Variants in FAAH2 observed in about 807,000 individuals in gnomAD.
FAAH2 encodes the protein fatty acid amide hydrolase 2, also known as fatty-acid amide hydrolase 2.
Under a neutral mutation model 36.9 loss-of-function variants are expected in FAAH2, and 60 were observed. That is an observed-to-expected ratio of 1.63 (90% CI 1.32 to 2.02). FAAH2 has a LOEUF of 2.02. Ranked by LOEUF, FAAH2 falls within the 30% of genes most tolerant of loss-of-function variation. The pLI is 0.00. For synonymous variants in FAAH2, 214 were observed against 143.8 expected (o/e 1.49, Z -3.49); for missense variants, 689 against 397.5 (o/e 1.73, Z -6.23).
At chrX:57,211,697 T>C in the FAAH2 span, among the ~76,000 whole-genome samples, 1 of 111,936 alleles carries the variant, frequency 8.9e-6, no homozygotes, top group Non-Finnish European at 1.9e-5. Flanking sequence ...GCATGACCAC[T>C]ACAGCCACCA....
In FAAH2 at chrX:57,314,522, G is replaced by T. The variant is rs371618706; in HGVS notation, c.412+3793G>T. Among the ~76,000 whole-genome samples the T allele has an allele frequency of 1.3e-4, 14 of 111,182 alleles. No individual in the cohort carries two copies. In the South Asian group the frequency reaches 5.3e-3, roughly 42 times the overall value. On this transcript the variant is annotated intron_variant, in intron 3 of 10. Transcript: ENST00000374900. ...AAATTAAAATATTGAATCTTACCAT[G>T]CACACTCTTGGACCAGAGTGAAATA...
chrX:57,436,419 A>T (rs1040683346), intron 8 of FAAH2, among the ~76,000 whole-genome samples: 1 of 110,468 alleles, frequency 9.1e-6, no homozygotes. Context: ...GTAGAAGTAC[A>T]AAGGGTCACT....
At chrX:57,249,200 C>G in the FAAH2 span, among the ~76,000 whole-genome samples, 11 of 111,498 alleles carry the variant, frequency 9.9e-5, no homozygotes, top group Non-Finnish European at 1.9e-4. Flanking sequence ...TGTGGCAGGC[C>G]AGGTCTCCAT....
chrX:57,489,150 A>G lies in FAAH2; in HGVS notation c.*218A>G, dbSNP rs1159528026. On this transcript the variant is annotated 3_prime_UTR_variant, in exon 11 of 11. Coordinates refer to ENST00000374900, the MANE Select transcript of FAAH2 (RefSeq NM_174912.4). ...CTTGCTTTTATGTTACTGGAAAATT[A>G]GGACATGTAAATGGATAAGTGCAAT... 44 of 384,861 alleles carry G rather than the reference A, an allele frequency of 1.1e-4. No homozygotes were observed. The highest frequency in any genetic ancestry group is 2.2e-5 in the Non-Finnish European group (5 of 232,352). 31.7% of individuals were successfully genotyped at this position (384,861 alleles called of 1,213,427 possible). A position where few individuals can be genotyped will look rare whatever the true frequency, so the allele number is the denominator to read the frequency against.
At chrX:57,224,553 G>T in the FAAH2 span, among the ~76,000 whole-genome samples, 4 of 111,379 alleles carry the variant, frequency 3.6e-5, no homozygotes, top group Admixed American at 9.5e-5. Context: ...TGCACCAGCA[G>T]CGTGCGCCGG....
At chrX:57,241,311 C>A in the FAAH2 span, among the ~76,000 whole-genome samples, 1 of 111,959 alleles carries the variant, frequency 8.9e-6, no homozygotes. Context: ...TATGATGATG[C>A]CAAAAGCAAT....
the FAAH2 span, among the ~76,000 whole-genome samples, chrX:57,156,188 C>T: frequency 3.1e-3 from 345 of 112,021 alleles, 2 homozygotes; most frequent in African/African-American, 0.01. Context: ...TTCATTCTGT[C>T]AATTGAATTT....
the FAAH2 span, among the ~76,000 whole-genome samples, chrX:57,278,718 G>A: frequency 1.8e-5 from 2 of 111,153 alleles, no homozygotes; most frequent in Non-Finnish European, 3.8e-5. Context: ...ACCTGACAAA[G>A]GGCTAATTGA....
At chrX:57,374,277 C>T (rs1003607974) in intron 5 of FAAH2, among the ~76,000 whole-genome samples, 3 of 111,368 alleles carry the variant, frequency 2.7e-5, no homozygotes, top group Non-Finnish European at 5.7e-5. Flanking sequence ...ATGGGGATTG[C>T]ATTGTATTTG....
the FAAH2 span, among the ~76,000 whole-genome samples, chrX:57,162,709 C>T: frequency 8.9e-6 from 1 of 112,167 alleles, no homozygotes; most frequent in Non-Finnish European, 1.9e-5. Context: ...TTTTCAGCTC[C>T]ATCAGCTCCT....
chrX:57,439,657 T>A (rs1569346064), intron 8 of FAAH2, among the ~76,000 whole-genome samples: 1 of 112,098 alleles, frequency 8.9e-6, no homozygotes, highest in Non-Finnish European at 1.9e-5. Flanking sequence ...TTTGGTGTTT[T>A]AGACATGAAG....
chrX:57,321,123 G>T (rs2053009651), intron 3 of FAAH2, among the ~76,000 whole-genome samples: 1 of 100,581 alleles, frequency 9.9e-6, no homozygotes, highest in Admixed American at 1.1e-4. Flanking sequence ...CTGGGTGACA[G>T]AGCGAGACTC....
the FAAH2 span, among the ~76,000 whole-genome samples, chrX:57,233,103 T>C: frequency 0.45 from 50,086 of 111,075 alleles, 11,223 homozygotes; most frequent in African/African-American, 0.88. Flanking sequence ...GTCTATGGTA[T>C]TATGTAGATC....
the FAAH2 span, among the ~76,000 whole-genome samples, chrX:57,243,228 T>G: frequency 8.9e-6 from 1 of 112,290 alleles, no homozygotes; most frequent in Non-Finnish European, 1.9e-5. Flanking sequence ...AGGGCATCTT[T>G]GAAAGAAACA....
At chrX:57,312,745 G>A (rs1198638385) in intron 3 of FAAH2, among the ~76,000 whole-genome samples, 1 of 110,359 alleles carries the variant, frequency 9.1e-6, no homozygotes, top group African/African-American at 3.3e-5. Context: ...TAACTATACT[G>A]AACTTACACC....
intron 2 of FAAH2, among the ~76,000 whole-genome samples, chrX:57,301,523 T>G (rs1229503992): frequency 9.4e-6 from 1 of 106,668 alleles, no homozygotes; most frequent in African/African-American, 3.4e-5. Context: ...AATGACGAGT[T>G]AATGGGTGCA....
At chrX:57,179,836 G>A in the FAAH2 span, among the ~76,000 whole-genome samples, 1 of 111,284 alleles carries the variant, frequency 9.0e-6, no homozygotes, top group Admixed American at 9.5e-5. Flanking sequence ...CTGCCACATG[G>A]CACATACTCT....
chrX:57,241,282 T>C, the FAAH2 span, among the ~76,000 whole-genome samples: 2 of 112,260 alleles, frequency 1.8e-5, no homozygotes, highest in Non-Finnish European at 3.8e-5. Flanking sequence ...GTTCTCCACA[T>C]AGGAATCAGC....
intron 2 of FAAH2, among the ~76,000 whole-genome samples, chrX:57,300,286 C>T (rs184577825): frequency 9.0e-6 from 1 of 110,841 alleles, no homozygotes; most frequent in Admixed American, 9.6e-5. Flanking sequence ...AAAACAGAGC[C>T]CTCAGAAACA....
Sources: allele counts gnomAD v4.1 joint callset (sites outside exome capture counted in the v4.1 genomes callset), GRCh38; gene constraint gnomAD v4.1.1; transcripts MANE v1.5; gene names NCBI Gene and HGNC (gene_info 2026-07-23, HGNC 2026-07-21).